The following SLC26A2 variants were observed in gnomAD, a reference collection of about 807,000 sequenced individuals.
The protein encoded by SLC26A2 is solute carrier family 26 member 2, also known as sulfate transporter.
A neutral mutation model predicts 41.1 loss-of-function variants in SLC26A2; 36 were observed. The observed-to-expected ratio is 0.88, with a 90% confidence interval of 0.67 to 1.16. SLC26A2 has a LOEUF of 1.16. Among genes scored for constraint, SLC26A2 ranks in the 50% most tolerant of loss-of-function variants. The probability of loss-of-function intolerance (pLI) is 0.00; values close to 1 mark genes in which losing one functional copy is unlikely to be tolerated. For missense variants in SLC26A2, 796 were observed against 869.6 expected, an observed-to-expected ratio of 0.92 and a Z score of 1.07; for synonymous variants, 291 against 311.6, an observed-to-expected ratio of 0.93 and a Z score of 0.70.
Position 149,977,997 on chromosome 5 carries a change from C to T in SLC26A2, c.345C>T (p.Gly115=). The change falls in exon 2 of 3, where the codon GGC becomes GGT. Residue 115 remains glycine, a synonymous_variant. Coordinates refer to ENST00000286298, the MANE Select transcript of SLC26A2 (RefSeq NM_000112.4). ...KKNILGDVMS[G]LIVGILLVPQ... is the part of the protein sequence containing the mutation. The stretch of plus-strand genomic sequence containing the variant: ...ACATTTTAGGGGATGTGATGTCAGG[C>T]TTGATTGTGGGCATATTATTGGTGC... The T allele has an allele frequency of 1.2e-6, 2 of 1,614,124 alleles. No homozygotes were observed. The highest frequency in any genetic ancestry group is 1.7e-6 in the Non-Finnish European group (2 of 1,180,002).
intron 1 of SLC26A2, among the ~76,000 whole-genome samples, chr5:149,975,971 A>C (rs1422810483): frequency 6.6e-6 from 1 of 152,104 alleles, no homozygotes; most frequent in Non-Finnish European, 1.5e-5. Flanking sequence ...CAGCCTGACC[A>C]ATATGGTGAA....
rs770366919 is a variant in SLC26A2 at position 149,977,683 on chromosome 5, G to A, written c.31G>A (p.Val11Ile). 8.1e-6 allele frequency: 13 copies of A among 1,613,864 alleles called. No homozygotes were observed. Among genetic ancestry groups the A allele is most frequent in the South Asian group, 4.4e-5 (4 of 91,074 alleles). MSSESKEQHN[V>I]SPRDSAEGND... ...TTCAGAAAGTAAAGAGCAACATAAC[G>A]TTTCACCCAGAGACTCAGCTGAAGG... Residue 11 changes from valine to isoleucine, a missense_variant, in exon 2 of 3, where the codon GTT becomes ATT. Physicochemically the swap from Val to Ile is conservative, Grantham distance 29 (BLOSUM62 3). Transcript: ENST00000286298.
rs1755216652 is a variant in SLC26A2, at chr5:149,987,375, GCTAATAAATTGTTACT to G, written c.*5570_*5585del. ...TTTAGAGGTTTCATTTGTTTTGTCT[GCTAATAAATTGTTACT>G]CTAATAATACATTACTCTGTATTTA... On this transcript the variant is annotated 3_prime_UTR_variant, in exon 3 of 3. Transcript: ENST00000286298. The G allele has an allele frequency of 6.6e-6, 1 of 152,156 alleles. No individual in the cohort carries two copies. Among genetic ancestry groups the G allele is most frequent in the Admixed American group, 6.5e-5 (1 of 15,282 alleles). The allele number at this position is 152,156 out of a possible 1,614,324, so 9.4% of individuals were successfully genotyped here.
intron 1 of SLC26A2, among the ~76,000 whole-genome samples, chr5:149,968,685 G>T (rs570180869): frequency 3.3e-5 from 5 of 151,428 alleles, no homozygotes; most frequent in Non-Finnish European, 7.4e-5. Context: ...CTCCCAAAGT[G>T]CTGGGATTAC....
At position 149,978,032 on chromosome 5, in the gene SLC26A2, T is replaced by C. The variant is rs759123374; in HGVS notation, c.380T>C (p.Ile127Thr). 6.2e-7 allele frequency: 1 copy of C among 1,614,076 alleles called. No individual in the cohort carries two copies. Among genetic ancestry groups the C allele is most frequent in the Non-Finnish European group, 8.5e-7 (1 of 1,179,946 alleles). Residue 127 changes from isoleucine to threonine, a missense_variant, in exon 2 of 3, where the codon ATT becomes ACT. Coordinates refer to ENST00000286298, the MANE Select transcript of SLC26A2 (RefSeq NM_000112.4). Reference sequence around the variant, plus strand: ...GGCATATTATTGGTGCCCCAGTCCATTGCTTATTCCCTGCTGGCTGGCCAA... The same window carrying C: ...GGCATATTATTGGTGCCCCAGTCCACTGCTTATTCCCTGCTGGCTGGCCAA... ...IVGILLVPQSIAYSLLAGQEP... is the reference protein window; with the variant it reads ...IVGILLVPQSTAYSLLAGQEP...
chr5:149,968,306 T>A (rs1456487307), intron 1 of SLC26A2, among the ~76,000 whole-genome samples: 1 of 152,232 alleles, frequency 6.6e-6, no homozygotes, highest in Non-Finnish European at 1.5e-5. Context: ...ATAGCAGTGC[T>A]GTGTTTAACT....
At chr5:149,962,874 AT>A (rs575550852) in intron 1 of SLC26A2, among the ~76,000 whole-genome samples, 7 of 152,178 alleles carry the variant, frequency 4.6e-5, no homozygotes, top group Non-Finnish European at 1.0e-4. Context: ...CTTGCTAAGC[AT>A]TTATTAGGTG....
chr5:149,968,969 T>A (rs1036304344), intron 1 of SLC26A2, among the ~76,000 whole-genome samples: 1 of 148,888 alleles, frequency 6.7e-6, no homozygotes, highest in Non-Finnish European at 1.5e-5. Context: ...CTCGAACTCC[T>A]GACCTCAAGC....
At chr5:149,969,441 C>T (rs1320740530) in intron 1 of SLC26A2, among the ~76,000 whole-genome samples, 3 of 152,194 alleles carry the variant, frequency 2.0e-5, no homozygotes, top group Non-Finnish European at 4.4e-5. Flanking sequence ...TTATAAAAAT[C>T]TCAAATCTAA....
In SLC26A2 at chr5:149,978,060, A is replaced by G; in HGVS notation, c.408A>G (p.Glu136=). 1 of 1,613,048 alleles carries G rather than the reference A, an allele frequency of 6.2e-7. No individual in the cohort carries two copies. Among genetic ancestry groups the G allele is most frequent in the Non-Finnish European group, 8.5e-7 (1 of 1,179,412 alleles). Residue 136 remains glutamate (E), a synonymous_variant, in exon 2 of 3, where the codon GAA becomes GAG. Transcript: ENST00000286298. ...SIAYSLLAGQ[E]PVYGLYTSFF... is the part of the protein sequence containing the mutation. ...CTTATTCCCTGCTGGCTGGCCAAGA[A>G]CCTGTCTATGGTCTGTACACATCTT...
chr5:149,975,907 C>G (rs1170364510), intron 1 of SLC26A2, among the ~76,000 whole-genome samples: 1 of 152,036 alleles, frequency 6.6e-6, no homozygotes, highest in Non-Finnish European at 1.5e-5. Flanking sequence ...CCTGTTATCC[C>G]AGCACTTTGG....
At chr5:149,968,908 A>C (rs1212599481) in intron 1 of SLC26A2, among the ~76,000 whole-genome samples, 2 of 150,174 alleles carry the variant, frequency 1.3e-5, no homozygotes, top group African/African-American at 4.9e-5. Flanking sequence ...CACCCAGCTA[A>C]TTTTTGTATT....
In SLC26A2 at chr5:149,981,179, T is replaced by C. The variant is rs1755092057; in HGVS notation, c.1586T>C (p.Ile529Thr). The stretch of plus-strand genomic sequence containing the variant: ...TCCTCTGCACTGCTAAGTACTGAAA[T>C]AGGCCTACTTGTTGGGGTTTGTTTT... ...MLSSALLSTE[I>T]GLLVGVCFSI... Residue 529 changes from isoleucine (I) to threonine (T), a missense_variant, in exon 3 of 3, where the codon ATA becomes ACA. Physicochemically the swap from Ile to Thr is moderately conservative, Grantham distance 89. Transcript: ENST00000286298. The C allele has an allele frequency of 6.2e-7, 1 of 1,614,134 alleles. No homozygotes were observed. Among genetic ancestry groups the C allele is most frequent in the Non-Finnish European group, 8.5e-7 (1 of 1,180,008 alleles).
intron 2 of SLC26A2, 75 bp downstream of exon 2, chr5:149,978,426 C>T: frequency 8.6e-7 from 1 of 1,156,554 alleles, no homozygotes; most frequent in Non-Finnish European, 1.3e-6. Context: ...TCTAAGGGAT[C>T]TGAGGAATCA....
intron 1 of SLC26A2, among the ~76,000 whole-genome samples, chr5:149,963,555 G>A (rs1376541911): frequency 6.6e-6 from 1 of 151,846 alleles, no homozygotes; most frequent in Non-Finnish European, 1.5e-5. Flanking sequence ...GGGATTACAA[G>A]CGTGAGCCAC....
chr5:149,969,598 A>G (rs11739934), intron 1 of SLC26A2, among the ~76,000 whole-genome samples: 21,607 of 152,132 alleles, frequency 0.14, 1,741 homozygotes, highest in Admixed American at 0.27. Context: ...CCTCTTACCT[A>G]GTTGTACCAC....
chr5:149,979,745 A>G (rs1755059850), intron 2 of SLC26A2, among the ~76,000 whole-genome samples: 2 of 152,368 alleles, frequency 1.3e-5, no homozygotes, highest in Middle Eastern at 3.4e-3. Context: ...AATAATTTTT[A>G]AAGTGTGATT....
rs979371743 is a variant in SLC26A2 at position 149,986,906 on chromosome 5, T to C, written c.*5093T>C. 3.9e-5 allele frequency: 6 copies of C among 152,338 alleles called. No homozygotes were observed. In the South Asian group the frequency reaches 8.3e-4, roughly 21 times the overall value. The allele number at this position is 152,338 out of a possible 1,614,324, so 9.4% of individuals were successfully genotyped here. ...TCAACACAAATCAGTTGGAAAATTATGGTTTGAGTCCTGTTGCTGCCATGG... is the reference window on the plus strand; with the variant it reads ...TCAACACAAATCAGTTGGAAAATTACGGTTTGAGTCCTGTTGCTGCCATGG... On this transcript the variant is annotated 3_prime_UTR_variant, in exon 3 of 3. Coordinates refer to ENST00000286298, the MANE Select transcript of SLC26A2 (RefSeq NM_000112.4).
intron 1 of SLC26A2, among the ~76,000 whole-genome samples, chr5:149,964,502 G>A (rs1037312117): frequency 1.3e-5 from 2 of 151,714 alleles, no homozygotes; most frequent in Non-Finnish European, 2.9e-5. Context: ...AAATAGCCAG[G>A]CGTGGTGGCT....
Sources: gnomAD v4.1 joint callset for allele counts (sites outside exome capture counted in the v4.1 genomes callset) on GRCh38, gnomAD v4.1.1 for gene constraint, MANE v1.5 for transcripts, NCBI Gene and HGNC (gene_info 2026-07-23, HGNC 2026-07-21) for gene names.